RAD51B: variants seen among roughly 807,000 people sequenced by gnomAD.
RAD51B encodes the protein RAD51 paralog B.
A neutral mutation model predicts 42.2 loss-of-function variants in RAD51B; 38 were observed. The ratio of observed to expected loss-of-function variants is 0.90; its 90% CI spans 0.70 to 1.18. The LOEUF (loss-of-function observed/expected upper bound fraction) is 1.18. Among genes scored for constraint, RAD51B ranks in the 50% most tolerant of loss-of-function variants. The pLI, the probability that RAD51B is intolerant of heterozygous loss-of-function variation, is 0.00. For synonymous variants in RAD51B, 154 were observed against 145.2 expected (o/e 1.06, Z -0.43); for missense variants, 373 against 400.7 (o/e 0.93, Z 0.59).
At chr14:68,481,401 G>A (rs12886864), downstream of RAD51B, among the ~76,000 whole-genome samples, 64,269 of 152,062 alleles carry the variant, frequency 0.42, 14,159 homozygotes, top group East Asian at 0.56. Flanking sequence ...TCCTCCTTGA[G>A]ACTACCTTTT....
intron 8 of RAD51B, among the ~76,000 whole-genome samples, chr14:68,396,063 G>A (rs2083911168): frequency 6.6e-6 from 1 of 152,190 alleles, no homozygotes; most frequent in Non-Finnish European, 1.5e-5. Context: ...GGCTGTGGCT[G>A]CCTGTCAGGA....
chr14:68,626,795 C>T (rs1892092956), intron 10 of RAD51B, among the ~76,000 whole-genome samples: 1 of 152,132 alleles, frequency 6.6e-6, no homozygotes, highest in Non-Finnish European at 1.5e-5. Context: ...AAGCAAGTCA[C>T]TATAGGTAGA....
intron 11 of RAD51B, among the ~76,000 whole-genome samples, chr14:68,680,610 TG>T (rs989850183): frequency 3.3e-5 from 5 of 152,162 alleles, no homozygotes; most frequent in African/African-American, 1.2e-4. Context: ...TTAGCCCAGA[TG>T]GGTCCCATGC....
At position 68,440,031 on chromosome 14, in the gene RAD51B, A is replaced by G. The variant is rs1566885602; in HGVS notation, c.958-28141A>G. 3.3e-5 allele frequency among the ~76,000 whole-genome samples: 5 copies of G among 152,230 alleles called. No homozygotes were observed. In the South Asian group the frequency reaches 1.0e-3, roughly 32 times the overall value. On this transcript the variant is annotated intron_variant, in intron 9 of 10. Coordinates refer to ENST00000471583, the MANE Select transcript of RAD51B (RefSeq NM_133510.4). ...AACTCTCTCCAGGAGGGAAAGGATT[A>G]TTAAGCGGTTAGTGATGCATTTGGA...
chr14:68,081,796 G>A (rs1157086533), intron 7 of RAD51B, among the ~76,000 whole-genome samples: 2 of 152,162 alleles, frequency 1.3e-5, no homozygotes, highest in Non-Finnish European at 2.9e-5. Flanking sequence ...TGACCCCACG[G>A]CAGTGTCTAG....
At chr14:68,391,022 G>A (rs534662018) in intron 8 of RAD51B, among the ~76,000 whole-genome samples, 1 of 152,316 alleles carries the variant, frequency 6.6e-6, no homozygotes, top group African/African-American at 2.4e-5. Context: ...TATCTAATCA[G>A]CATTGGAAAC....
chr14:68,001,437 C>G (rs555710499), intron 7 of RAD51B, among the ~76,000 whole-genome samples: 5 of 151,968 alleles, frequency 3.3e-5, no homozygotes, highest in African/African-American at 1.2e-4. Context: ...AAATTTTATA[C>G]TTTTTTATTT....
intron 10 of RAD51B, among the ~76,000 whole-genome samples, chr14:68,520,418 A>G (rs1163567254): frequency 1.3e-5 from 2 of 152,228 alleles, no homozygotes; most frequent in African/African-American, 2.4e-5. Flanking sequence ...ATATTGATAC[A>G]TATCATTTAG....
chr14:68,580,440 C>T (rs780973391), intron 10 of RAD51B, among the ~76,000 whole-genome samples: 2 of 149,988 alleles, frequency 1.3e-5, no homozygotes, highest in African/African-American at 5.1e-5. Context: ...ACTTAGTGCT[C>T]GGCACCTCTG....
At chr14:67,917,855 G>A (rs2044205835) in intron 7 of RAD51B, among the ~76,000 whole-genome samples, 1 of 152,006 alleles carries the variant, frequency 6.6e-6, no homozygotes. Flanking sequence ...TGTCTGTTTG[G>A]CATTCTTGCA....
At chr14:68,549,234 T>C (rs2140380107) in intron 10 of RAD51B, among the ~76,000 whole-genome samples, 1 of 151,444 alleles carries the variant, frequency 6.6e-6, no homozygotes, top group East Asian at 1.9e-4. Context: ...CCACAGTCTA[T>C]AGTCACAGAA....
chr14:68,386,967 A>T (rs1323004195), intron 8 of RAD51B, among the ~76,000 whole-genome samples: 1 of 152,236 alleles, frequency 6.6e-6, no homozygotes, highest in African/African-American at 2.4e-5. Context: ...TCTGGACCTA[A>T]TAGAGTGGAA....
At chr14:68,016,622 T>A (rs1856043253) in intron 7 of RAD51B, among the ~76,000 whole-genome samples, 1 of 152,228 alleles carries the variant, frequency 6.6e-6, no homozygotes, top group Admixed American at 6.5e-5. Context: ...AATTTAGTAG[T>A]CAGCTCTTGT....
At chr14:68,454,335 A>G (rs1043921530) in intron 9 of RAD51B, among the ~76,000 whole-genome samples, 1 of 152,230 alleles carries the variant, frequency 6.6e-6, no homozygotes, top group African/African-American at 2.4e-5. Flanking sequence ...CATAAAAGTA[A>G]CAAGAACATT....
At chr14:68,090,034 C>A (rs932434896) in intron 7 of RAD51B, among the ~76,000 whole-genome samples, 1 of 152,054 alleles carries the variant, frequency 6.6e-6, no homozygotes, top group Non-Finnish European at 1.5e-5. Flanking sequence ...ATTAAAAATT[C>A]AAGTTATTTT....
chr14:68,549,956 C>T (rs1419848375), intron 10 of RAD51B, among the ~76,000 whole-genome samples: 1 of 152,200 alleles, frequency 6.6e-6, no homozygotes, highest in East Asian at 1.9e-4. Flanking sequence ...CTGTCCCCCA[C>T]ATCTGTTTTA....
At chr14:68,562,316 G>A (rs1470199687) in intron 10 of RAD51B, 16 of 985,316 alleles carry the variant, frequency 1.6e-5, no homozygotes, top group African/African-American at 1.2e-4. Flanking sequence ...TCTGCCTGAC[G>A]AAGGCTGTGT....
At chr14:68,150,695 TG>T (rs1408820749) in intron 7 of RAD51B, among the ~76,000 whole-genome samples, 2 of 152,198 alleles carry the variant, frequency 1.3e-5, no homozygotes, top group African/African-American at 4.8e-5. Flanking sequence ...TGTGTTTTTA[TG>T]ATTCCATTTA....
intron 7 of RAD51B, among the ~76,000 whole-genome samples, chr14:67,929,020 G>A (rs1414812102): frequency 6.6e-6 from 1 of 151,858 alleles, no homozygotes; most frequent in Non-Finnish European, 1.5e-5. Flanking sequence ...TCAAGGTAGC[G>A]GTTTATCAAT....
Sources: allele counts gnomAD v4.1 joint callset (sites outside exome capture counted in the v4.1 genomes callset), GRCh38; gene constraint gnomAD v4.1.1; transcripts MANE v1.5; gene names NCBI Gene and HGNC (gene_info 2026-07-23, HGNC 2026-07-21).